The following PTCD1 variants were observed in gnomAD, a reference collection of about 807,000 sequenced individuals.
The protein encoded by PTCD1 is pentatricopeptide repeat-containing protein 1, mitochondrial.
PTCD1 carries 50 observed loss-of-function variants against 53.4 expected under a neutral mutation model. That is an observed-to-expected ratio of 0.94 (90% CI 0.75 to 1.19). The LOEUF is 1.19. Among genes scored for constraint, PTCD1 ranks in the 50% most tolerant of loss-of-function variants. The pLI is 0.00. For missense variants in PTCD1, 918 were observed against 904.8 expected (o/e 1.01, Z -0.19); for synonymous variants, 413 against 394.8 (o/e 1.05, Z -0.55).
Position 99,433,304 on chromosome 7 carries a change from T to G in PTCD1, c.568A>C (p.Lys190Gln). The change falls in exon 3 of 8, where the codon AAG (lysine) becomes CAG (glutamine). Residue 190 changes from lysine to glutamine, a missense_variant. Physicochemically the swap from Lys to Gln is moderately conservative, Grantham distance 53. Coordinates refer to ENST00000292478, the MANE Select transcript of PTCD1 (RefSeq NM_015545.4). The part of the protein sequence containing the change: ...IGGCGRVGYL[K>Q]KAFNLYNQMK... ...TGGTTGTAGAGGTTGAAGGCCTTCT[T>G]CAGGTAGCCAACCCGCCCGCAGCCC... 6.2e-7 allele frequency: 1 copy of G among 1,614,130 alleles called. No individual in the cohort carries two copies. Among genetic ancestry groups the G allele is most frequent in the Admixed American group, 1.7e-5 (1 of 60,020 alleles).
rs1795574096 is a variant in PTCD1 at position 99,417,593 on chromosome 7, G to A, written c.*2374C>T. On this transcript the variant is annotated 3_prime_UTR_variant, in exon 8 of 8. Transcript: ENST00000292478. ...CCGCGTGCCCAAAAGCAAGCTGGAA[G>A]TGGTAATGTCTGACACTCAAGCTTG... is the stretch of plus-strand genomic sequence containing the variant. The A allele has an allele frequency of 6.2e-7, 1 of 1,611,554 alleles. No homozygotes were observed. The highest frequency in any genetic ancestry group is 8.5e-7 in the Non-Finnish European group (1 of 1,180,004).
At position 99,417,530 on chromosome 7, in the gene PTCD1, C is replaced by G; in HGVS notation, c.*2437G>C. On this transcript the variant is annotated 3_prime_UTR_variant, in exon 8 of 8. Coordinates refer to ENST00000292478, the MANE Select transcript of PTCD1 (RefSeq NM_015545.4). ...GAACTTGTGCTGCCTGCGGTGCATT[C>G]AGACACGGGACACCAACTTCGGGAC... 6.2e-7 allele frequency: 1 copy of G among 1,611,668 alleles called. No individual in the cohort carries two copies. The highest frequency in any genetic ancestry group is 8.5e-7 in the Non-Finnish European group (1 of 1,178,284).
chr7:99,421,056 C>T (rs1340899133), intron 7 of PTCD1, among the ~76,000 whole-genome samples: 2 of 152,168 alleles, frequency 1.3e-5, no homozygotes, highest in Non-Finnish European at 1.5e-5. Flanking sequence ...AACAGAATCA[C>T]GAATATAAAC....
chr7:99,430,565 T>G (rs147167475), intron 3 of PTCD1, among the ~76,000 whole-genome samples: 273 of 152,282 alleles, frequency 1.8e-3, no homozygotes, highest in African/African-American at 6.4e-3. Flanking sequence ...TCCCTTCATC[T>G]CTCTGTGCCT....
At position 99,419,791 on chromosome 7, in the gene PTCD1, T is replaced by G. The variant is rs1795717996; in HGVS notation, c.*176A>C. The G allele has an allele frequency of 9.2e-7, 1 of 1,082,500 alleles. No homozygotes were observed. The highest frequency in any genetic ancestry group is 1.6e-5 in the African/African-American group (1 of 63,314). The allele number at this position is 1,082,500 out of a possible 1,614,324, so 67.1% of individuals were successfully genotyped here. On this transcript the variant is annotated 3_prime_UTR_variant, in exon 8 of 8. Coordinates refer to ENST00000292478, the MANE Select transcript of PTCD1 (RefSeq NM_015545.4). ...AGGTGGCTGGAGCTGCACTTGGACC[T>G]GCTGGGAGCACAGGCACCTTGGGCC...
At chr7:99,431,792 T>C (rs1432953637) in intron 3 of PTCD1, among the ~76,000 whole-genome samples, 1 of 152,154 alleles carries the variant, frequency 6.6e-6, no homozygotes, top group Non-Finnish European at 1.5e-5. Flanking sequence ...TGTTACTGTG[T>C]CTATGTAGAA....
intron 2 of PTCD1, among the ~76,000 whole-genome samples, chr7:99,434,187 T>A (rs1270266723): frequency 1.3e-5 from 2 of 151,948 alleles, no homozygotes; most frequent in Non-Finnish European, 2.9e-5. Context: ...GGCTCATGTT[T>A]GTAGTCCCAG....
At position 99,434,996 on chromosome 7, in the gene PTCD1, C is replaced by T. The variant is rs747448196; in HGVS notation, c.247G>A (p.Glu83Lys). 27 of 1,614,078 alleles carry T rather than the reference C, an allele frequency of 1.7e-5. No individual in the cohort carries two copies. Among genetic ancestry groups the T allele is most frequent in the South Asian group, 7.7e-5 (7 of 91,090 alleles). ...GTCCCAAAACTCTCCTCCTCCTCCT[C>T]GTCTTCTTCCTGCGTGGCCGTGGAG... ...SNSTATQEED[E>K]EEEESFGTLS... The change falls in exon 2 of 8, where the codon GAG becomes AAG. Residue 83 changes from glutamate (E) to lysine (K), a missense_variant. By Grantham distance (56) the Glu-to-Lys change is moderately conservative. Coordinates refer to ENST00000292478, the MANE Select transcript of PTCD1 (RefSeq NM_015545.4).
chr7:99,420,304 A>AT (rs1795741831), intron 7 of PTCD1, among the ~76,000 whole-genome samples, 155 bp from the exon 8 acceptor site: 1 of 152,178 alleles, frequency 6.6e-6, no homozygotes, highest in Non-Finnish European at 1.5e-5. Flanking sequence ...AACACGCACT[A>AT]TGGGACTAGC....
rs576893935 is a variant in PTCD1 at position 99,435,296 on chromosome 7, G to T, written c.-26-28C>A. The T allele has an allele frequency of 9.4e-6, 15 of 1,598,972 alleles. No individual in the cohort carries two copies. In the South Asian group the frequency reaches 1.6e-4, roughly 18 times the overall value. ...GGAATATATCAGGAAAAATAAGAGA[G>T]TCAACTCAGTTCCTAGTAACAAAAG... On this transcript the variant is annotated intron_variant, in intron 1 of 7. Transcript: ENST00000292478.
intron 1 of PTCD1, among the ~76,000 whole-genome samples, chr7:99,437,212 T>C (rs948054715): frequency 1.3e-5 from 2 of 152,204 alleles, no homozygotes; most frequent in Admixed American, 6.5e-5. Flanking sequence ...CAAAAAGCAA[T>C]GATATTGAAA....
chr7:99,437,005 C>G (rs184258608), intron 1 of PTCD1, among the ~76,000 whole-genome samples: 1 of 152,192 alleles, frequency 6.6e-6, no homozygotes, highest in African/African-American at 2.4e-5. Flanking sequence ...ACTAGCACTA[C>G]TGGTGCACAC....
chr7:99,425,488 C>T lies in PTCD1; in HGVS notation c.1044G>A (p.Arg348=), dbSNP rs367645652. Residue 348 remains arginine, a synonymous_variant, in exon 6 of 8, where the codon AGG becomes AGA. Transcript: ENST00000292478. ...GGGGCTGAAGCACAGTCGCCTCCTC[C>T]CTGGGCTTCAGAAGCAGCTCTGAGG... ...QVASELLLKP[R]EEATVLQPPV... is the part of the protein sequence containing the mutation. The T allele has an allele frequency of 5.0e-6, 8 of 1,612,776 alleles. No homozygotes were observed. Among genetic ancestry groups the T allele is most frequent in the Non-Finnish European group, 8.5e-7 (1 of 1,179,460 alleles).
Position 99,425,127 on chromosome 7 carries a change from C to CT in PTCD1, c.1404dup (p.Gly469ArgfsTer45). ...TTGCTCAGGAAGCCCTCCAGGCCCCCTATCAAGGCCAGCCGGTCAGCTGGG... is the reference window on the plus strand; with the variant it reads ...TTGCTCAGGAAGCCCTCCAGGCCCCCTTATCAAGGCCAGCCGGTCAGCTGGG... On this transcript the variant is annotated frameshift_variant, in exon 6 of 8. Transcript: ENST00000292478. LOFTEE classifies it high-confidence loss of function. 6.2e-7 allele frequency: 1 copy of CT among 1,614,000 alleles called. No individual in the cohort carries two copies.
chr7:99,427,048 G>A (rs1431187114), intron 5 of PTCD1, among the ~76,000 whole-genome samples: 4 of 151,424 alleles, frequency 2.6e-5, no homozygotes, highest in South Asian at 2.1e-4. Context: ...AGTGAGGAGC[G>A]TCTCCGCCCG....
rs150504114 is a variant in PTCD1 at position 99,434,936 on chromosome 7, G to A, written c.307C>T (p.Arg103Cys). The change falls in exon 2 of 8, where the codon CGC (arginine) becomes TGC (cysteine). Residue 103 changes from arginine to cysteine, a missense_variant. Coordinates refer to ENST00000292478, the MANE Select transcript of PTCD1 (RefSeq NM_015545.4). The stretch of plus-strand genomic sequence containing the variant: ...TTATGGAACTGGGCTGCGGATTTGC[G>A]GAATAGTCTCCGGGAGGAGTATTTG... ...SDKYSSRRLF[R>C]KSAAQFHNLR... 18,351 of 1,614,224 alleles carry A rather than the reference G, an allele frequency of 0.011. 129 individuals are homozygous for A. Among genetic ancestry groups the A allele is most frequent in the Admixed American group, 0.015 (899 of 60,018 alleles).
chr7:99,428,195 C>T (rs1049551174), intron 5 of PTCD1, among the ~76,000 whole-genome samples: 12 of 151,494 alleles, frequency 7.9e-5, no homozygotes, highest in African/African-American at 2.9e-4. Flanking sequence ...GGTAGGAGAG[C>T]GAGACCATCC....
At position 99,417,936 on chromosome 7, in the gene PTCD1, T is replaced by G. The variant is rs1330094965; in HGVS notation, c.*2031A>C. On this transcript the variant is annotated 3_prime_UTR_variant, in exon 8 of 8. Transcript: ENST00000292478. ...ACCAGTGAGTTCCTGTCCCTTTCAG[T>G]CCTCACAGTGATACTTTAACATTAC... is the stretch of plus-strand genomic sequence containing the variant. 1.3e-5 allele frequency: 16 copies of G among 1,258,316 alleles called. No homozygotes were observed. In the East Asian group the frequency reaches 7.0e-4, roughly 55 times the overall value. The allele number at this position is 1,258,316 out of a possible 1,614,324, so 77.9% of individuals were successfully genotyped here.
At position 99,429,609 on chromosome 7, in the gene PTCD1, C is replaced by T. The variant is rs901874808; in HGVS notation, c.792G>A (p.Arg264=). The change falls in exon 4 of 8, where the codon AGG becomes AGA. Residue 264 remains arginine (R), a synonymous_variant. Coordinates refer to ENST00000292478, the MANE Select transcript of PTCD1 (RefSeq NM_015545.4). ...LKMAAKCADL[R]MCLDVFKEII... The stretch of plus-strand genomic sequence containing the variant: ...CCACCTTGAACACATCGAGGCACAT[C>T]CTAAGGTCTGCGCACTTGGCAGCCA... 1 of 1,614,208 alleles carries T rather than the reference C, an allele frequency of 6.2e-7. No homozygotes were observed. The highest frequency in any genetic ancestry group is 1.3e-5 in the African/African-American group (1 of 75,054).
Sources: allele counts gnomAD v4.1 joint callset (sites outside exome capture counted in the v4.1 genomes callset), GRCh38; gene constraint gnomAD v4.1.1; transcripts MANE v1.5; gene names NCBI Gene and HGNC (gene_info 2026-07-23, HGNC 2026-07-21).